SNRNP200: variants seen among roughly 807,000 people sequenced by gnomAD.
The protein encoded by SNRNP200 is small nuclear ribonucleoprotein U5 subunit 200, also known as U5 small nuclear ribonucleoprotein 200 kDa helicase.
In SNRNP200, 66 loss-of-function variants were observed where a neutral mutation model predicts 255.2. That is an observed-to-expected ratio of 0.26 (90% confidence interval 0.21 to 0.32). SNRNP200 has a LOEUF of 0.32. Ranked by LOEUF, SNRNP200 falls within the 10% of genes least tolerant of loss-of-function variation. The probability of loss-of-function intolerance (pLI) is 1.00; values close to 1 mark genes in which losing one functional copy is unlikely to be tolerated. For missense variants in SNRNP200, 1,585 were observed against 2,749.8 expected (o/e 0.58, Z 9.47); for synonymous variants, 939 against 1,027.8 (o/e 0.91, Z 1.65).
At chr2:96,288,001 G>C in intron 24 of SNRNP200, 32 bp from the exon 25 acceptor site, 1 of 1,596,450 alleles carries the variant, frequency 6.3e-7, no homozygotes, top group Non-Finnish European at 8.6e-7. Context: ...CCACTGTTAA[G>C]TCTCGACTAT....
Position 96,300,999 on chromosome 2 carries a change from T to C in SNRNP200, c.629A>G (p.Glu210Gly), listed in dbSNP as rs995570532. Residue 210 changes from glutamate (E) to glycine (G), a missense_variant and splice_region_variant, in exon 5 of 45, where the codon GAG becomes GGG. Glu to Gly is a moderately conservative substitution (Grantham distance 98). Coordinates refer to ENST00000323853, the MANE Select transcript of SNRNP200 (RefSeq NM_014014.5). The stretch of plus-strand genomic sequence containing the variant: ...GGACTGGGTATGTTTATCACTCACC[T>C]CCTCATCAGACTCAAACTGCACATT... ...GVNVQFESDEEEGDEDVYGEV... is the reference protein window; with the variant it reads ...GVNVQFESDEGEGDEDVYGEV... The C allele has an allele frequency of 1.2e-6, 2 of 1,613,432 alleles. No homozygotes were observed. Among genetic ancestry groups the C allele is most frequent in the Non-Finnish European group, 1.7e-6 (2 of 1,179,446 alleles).
rs1684631707 is a variant in SNRNP200, at chr2:96,275,102, G to A, written c.6321C>T (p.Tyr2107=). 3 of 1,614,230 alleles carry A rather than the reference G, an allele frequency of 1.9e-6. No individual in the cohort carries two copies. Among genetic ancestry groups the A allele is most frequent in the Non-Finnish European group, 1.7e-6 (2 of 1,180,036 alleles). ...ATCCCATGTAAGCGTCACTCATGAAGTACAGAGTGTAGTTGTGGGCACCAG... is the reference window on the plus strand; with the variant it reads ...ATCCCATGTAAGCGTCACTCATGAAATACAGAGTGTAGTTGTGGGCACCAG... ...PATGAHNYTL[Y]FMSDAYMGCD... is the part of the protein sequence containing the mutation. The change falls in exon 45 of 45, where the codon TAC becomes TAT. Residue 2107 remains tyrosine, a synonymous_variant. Coordinates refer to ENST00000323853, the MANE Select transcript of SNRNP200 (RefSeq NM_014014.5).
At chr2:96,284,264 C>T (rs1233475734) in intron 31 of SNRNP200, 94 bp downstream of exon 31, 14 of 1,132,998 alleles carry the variant, frequency 1.2e-5, no homozygotes, top group Admixed American at 1.8e-5. Context: ...GGAGAAGCCC[C>T]GAGCCTCCGT....
chr2:96,297,115 T>G, intron 11 of SNRNP200, 45 bp from the exon 12 acceptor site: 1 of 1,613,920 alleles, frequency 6.2e-7, no homozygotes, highest in Non-Finnish European at 8.5e-7. Flanking sequence ...GCAGCATCCT[T>G]GAGCAAAACG....
chr2:96,275,398 A>G (rs1358466393), intron 43 of SNRNP200, 49 bp from the exon 44 acceptor site: 4 of 1,473,206 alleles, frequency 2.7e-6, no homozygotes, highest in Non-Finnish European at 2.8e-6. Flanking sequence ...CTTGATGACC[A>G]TAGGCAACCA....
Position 96,287,234 on chromosome 2 carries a change from T to A in SNRNP200, c.3485-74A>T. ...ACTGCAAACTGGGCCTGAGGGCCAC[T>A]GTGGGAAAGGGGTAGGGTCTTCCCT... is the stretch of plus-strand genomic sequence containing the variant. On this transcript the variant is annotated intron_variant, in intron 26 of 44. Coordinates refer to ENST00000323853, the MANE Select transcript of SNRNP200 (RefSeq NM_014014.5). The surrounding 1 kb of genome is among the most constrained non-coding windows in gnomAD (Gnocchi z 5.7). 6.4e-7 allele frequency: 1 copy of A among 1,570,364 alleles called. No individual in the cohort carries two copies. Among genetic ancestry groups the A allele is most frequent in the Non-Finnish European group, 8.8e-7 (1 of 1,140,930 alleles).
Position 96,287,543 on chromosome 2 carries a change from C to T in SNRNP200, c.3380G>A (p.Cys1127Tyr). The change falls in exon 26 of 45, where the codon TGT (cysteine) becomes TAT (tyrosine). Residue 1127 changes from cysteine to tyrosine, a missense_variant. Cys to Tyr is a radical substitution (Grantham distance 194, BLOSUM62 -2). Around this residue, in one of 9 missense-constraint regions of SNRNP200, gnomAD observed 719 missense variants for 1,091.1 expected, o/e 0.66. Coordinates refer to ENST00000323853, the MANE Select transcript of SNRNP200 (RefSeq NM_014014.5). The surrounding 1 kb of genome is among the most constrained non-coding windows in gnomAD (Gnocchi z 5.7). ...GAGTTTCCGGAACTGGCGCAGAGGA[C>T]ACATGGACTGCCACCTATCCAGGAA... Reference protein sequence around the residue: ...MIDKRMWQSMCPLRQFRKLPE... With the variant: ...MIDKRMWQSMYPLRQFRKLPE... The T allele has an allele frequency of 6.2e-7, 1 of 1,613,840 alleles. No homozygotes were observed. Among genetic ancestry groups the T allele is most frequent in the Non-Finnish European group, 8.5e-7 (1 of 1,179,722 alleles).
In SNRNP200 at chr2:96,278,021, C is replaced by G; in HGVS notation, c.5611-71G>C. ...CCTGAGACCAGCTCAGGCCAAAGCA[C>G]CACGTGGCCCAGGCTCACACAGCCC... is the stretch of plus-strand genomic sequence containing the variant. On this transcript the variant is annotated intron_variant, in intron 39 of 44. Coordinates refer to ENST00000323853, the MANE Select transcript of SNRNP200 (RefSeq NM_014014.5). The surrounding 1 kb of genome is among the most constrained non-coding windows in gnomAD (Gnocchi z 6.9). 6.2e-7 allele frequency: 1 copy of G among 1,604,126 alleles called. No homozygotes were observed.
At position 96,293,347 on chromosome 2, in the gene SNRNP200, G is replaced by T; in HGVS notation, c.2005C>A (p.Pro669Thr). The stretch of plus-strand genomic sequence containing the variant: ...TCAAAGTAAAAGAGACCCTTGGCAG[G>T]GTCAACACGTAGAAAGGTGGCTACA... ...EDVATFLRVD[P>T]AKGLFYFDNS... Residue 669 changes from proline to threonine, a missense_variant, in exon 15 of 45, where the codon CCT (proline) becomes ACT (threonine). By Grantham distance (38) the Pro-to-Thr change is conservative. This residue lies in a region of SNRNP200 where 140 missense variants were observed against 274.9 expected (regional missense o/e 0.51). Coordinates refer to ENST00000323853, the MANE Select transcript of SNRNP200 (RefSeq NM_014014.5). 1.2e-6 allele frequency: 2 copies of T among 1,614,172 alleles called. No individual in the cohort carries two copies. The highest frequency in any genetic ancestry group is 1.7e-6 in the Non-Finnish European group (2 of 1,180,026).
Position 96,277,577 on chromosome 2 carries a change from G to A in SNRNP200, c.5893C>T (p.His1965Tyr), listed in dbSNP as rs750242042. Residue 1965 changes from histidine to tyrosine, a missense_variant, in exon 41 of 45, where the codon CAC (histidine) becomes TAC (tyrosine). His to Tyr is a moderately conservative substitution (Grantham distance 83). Around this residue, in one of 9 missense-constraint regions of SNRNP200, gnomAD observed 279 missense variants for 551.2 expected, o/e 0.51. Coordinates refer to ENST00000323853, the MANE Select transcript of SNRNP200 (RefSeq NM_014014.5). This position sits in a 1 kb window ranked among gnomAD's most constrained non-coding sequence, Gnocchi z 4.4. ...CGTTTGATATGCTCAGAGGTGAAGT[G>A]TGGCAGCTGCTTCAGGTATGAGTCC... ...SKDSYLKQLP[H>Y]FTSEHIKRCT... The A allele has an allele frequency of 1.2e-6, 2 of 1,613,384 alleles. No individual in the cohort carries two copies. The highest frequency in any genetic ancestry group is 8.5e-7 in the Non-Finnish European group (1 of 1,180,046).
At chr2:96,302,713 C>T (rs1178430391) in intron 3 of SNRNP200, among the ~76,000 whole-genome samples, 1 of 152,198 alleles carries the variant, frequency 6.6e-6, no homozygotes, top group Non-Finnish European at 1.5e-5. Context: ...AGCTATAAAT[C>T]GAGGTTTCCA....
chr2:96,303,395 A>G, intron 2 of SNRNP200, 65 bp from the exon 3 acceptor site: 1 of 1,580,238 alleles, frequency 6.3e-7, no homozygotes, highest in Non-Finnish European at 8.7e-7. Flanking sequence ...GACTGGATCA[A>G]GCCCACCCTC....
intron 21 of SNRNP200, 39 bp downstream of exon 21, chr2:96,289,760 T>C: frequency 1.2e-6 from 2 of 1,606,048 alleles, no homozygotes; most frequent in Non-Finnish European, 1.7e-6. Context: ...CCAACAACTT[T>C]TGCTGAGACC....
At chr2:96,301,168 A>G in intron 4 of SNRNP200, 115 bp from the exon 5 acceptor site, 1 of 867,744 alleles carries the variant, frequency 1.2e-6, no homozygotes, top group Non-Finnish European at 1.9e-6. Context: ...AGTGCTAAGG[A>G]CACATACAGA....
rs1684675469 is a variant in SNRNP200 at position 96,276,908 on chromosome 2, G to A, written c.6170C>T (p.Pro2057Leu). The change falls in exon 43 of 45, where the codon CCG becomes CTG. Residue 2057 changes from proline (P) to leucine (L), a missense_variant. Transcript: ENST00000323853. The part of the protein sequence containing the change: ...VTGPVIAPLF[P>L]QKREEGWWVV... ...AAGCCAGCTACCAGGACGCACCTGC[G>A]GGAAGAGAGGCGCAATGACAGGGCC... 6.2e-6 allele frequency: 10 copies of A among 1,614,056 alleles called. No homozygotes were observed. The highest frequency in any genetic ancestry group is 2.2e-5 in the East Asian group (1 of 44,876).
Position 96,278,724 on chromosome 2 carries a change from G to C in SNRNP200, c.5324-13C>G. ...CGATGGGAGATGCCTATGGAGGCGA[G>C]AGGTGAGTGGGGAGCCTCAAGAAGA... On this transcript the variant is annotated splice_polypyrimidine_tract_variant and intron_variant, in intron 37 of 44. Transcript: ENST00000323853. The surrounding 1 kb of genome is among the most constrained non-coding windows in gnomAD (Gnocchi z 6.9). 1 of 1,614,244 alleles carries C rather than the reference G, an allele frequency of 6.2e-7. No individual in the cohort carries two copies. Among genetic ancestry groups the C allele is most frequent in the Non-Finnish European group, 8.5e-7 (1 of 1,180,046 alleles).
chr2:96,287,436 C>T lies in SNRNP200; in HGVS notation c.3484+3G>A, dbSNP rs2063850794. ...AGGACAAGGGCGAGAGCATCCCACA[C>T]ACCAATCTCATTATGATTCAGGTCG... On this transcript the variant is annotated splice_donor_region_variant and intron_variant, in intron 26 of 44. Transcript: ENST00000323853. The surrounding 1 kb of genome is among the most constrained non-coding windows in gnomAD (Gnocchi z 5.7). The T allele has an allele frequency of 6.3e-7, 1 of 1,597,052 alleles. No homozygotes were observed. Among genetic ancestry groups the T allele is most frequent in the South Asian group, 1.1e-5 (1 of 90,768 alleles).
chr2:96,291,760 C>T lies in SNRNP200; in HGVS notation c.2301G>A (p.Glu767=). 8 of 1,614,142 alleles carry T rather than the reference C, an allele frequency of 5.0e-6. No homozygotes were observed. Among genetic ancestry groups the T allele is most frequent in the East Asian group, 2.2e-5 (1 of 44,886 alleles). ...ASTEVLRTEA[E]QCKNLELKDL... ...GCTGGCCCCTCCTCACCTTGCACTG[C>T]TCAGCTTCTGTTCGCAGGACTTCTG... is the stretch of plus-strand genomic sequence containing the variant. The change falls in exon 17 of 45, where the codon GAG becomes GAA. Residue 767 remains glutamate, a synonymous_variant. Coordinates refer to ENST00000323853, the MANE Select transcript of SNRNP200 (RefSeq NM_014014.5). This position sits in a 1 kb window ranked among gnomAD's most constrained non-coding sequence, Gnocchi z 4.2.
In SNRNP200 at chr2:96,278,014, C is replaced by T; in HGVS notation, c.5611-64G>A. The T allele has an allele frequency of 1.2e-6, 2 of 1,606,994 alleles. No homozygotes were observed. Among genetic ancestry groups the T allele is most frequent in the Admixed American group, 1.7e-5 (1 of 60,002 alleles). ...GACCCTGCCTGAGACCAGCTCAGGC[C>T]AAAGCACCACGTGGCCCAGGCTCAC... On this transcript the variant is annotated intron_variant, in intron 39 of 44. Transcript: ENST00000323853. This position sits in a 1 kb window ranked among gnomAD's most constrained non-coding sequence, Gnocchi z 6.9.
Sources: gnomAD v4.1 joint callset for allele counts (sites outside exome capture counted in the v4.1 genomes callset) on GRCh38, gnomAD v4.1.1 for gene constraint, gnomAD v4.1.1 regional missense constraint, Gnocchi (gnomAD v3.1) non-coding constraint, MANE v1.5 for transcripts, NCBI Gene and HGNC (gene_info 2026-07-23, HGNC 2026-07-21) for gene names.